CLEC16A: variants seen among roughly 807,000 people sequenced by gnomAD.
The protein encoded by CLEC16A is protein CLEC16A.
Under a neutral mutation model 109.5 loss-of-function variants are expected in CLEC16A, and 51 were observed. The observed-to-expected ratio is 0.47, with a 90% CI of 0.37 to 0.59. The LOEUF (loss-of-function observed/expected upper bound fraction) is 0.59, where lower values mean the gene tolerates loss of function less well. CLEC16A is among the 20% of genes least tolerant of loss of function. The pLI, the probability that CLEC16A is intolerant of heterozygous loss-of-function variation, is 0.00. For missense variants in CLEC16A, 1,339 were observed against 1,394.0 expected (o/e 0.96, Z 0.63); for synonymous variants, 673 against 564.2 (o/e 1.19, Z -2.73).
At chr16:10,983,100 T>C in intron 10 of CLEC16A, 109 bp downstream of exon 10, 1 of 651,532 alleles carries the variant, frequency 1.5e-6, no homozygotes, top group Non-Finnish European at 2.8e-6. Context: ...ATAGCAGTGA[T>C]GATGCATAAG....
At chr16:10,994,807 A>C (rs956123498) in intron 10 of CLEC16A, among the ~76,000 whole-genome samples, 2 of 152,222 alleles carry the variant, frequency 1.3e-5, no homozygotes, top group Non-Finnish European at 2.9e-5. Flanking sequence ...TTTTTGTTGC[A>C]AAGAGCTACT....
intron 22 of CLEC16A, 82 bp from the exon 23 acceptor site, chr16:11,166,306 G>C (rs2068257379): frequency 6.9e-7 from 1 of 1,448,894 alleles, no homozygotes. Flanking sequence ...ACTGAGGTTG[G>C]GTTGTTCAGT....
intron 19 of CLEC16A, among the ~76,000 whole-genome samples, chr16:11,102,544 CT>C (rs1248164048): frequency 6.6e-6 from 1 of 152,208 alleles, no homozygotes; most frequent in Non-Finnish European, 1.5e-5. Flanking sequence ...AATGTGTCCC[CT>C]GGTATGAAAT....
chr16:11,114,816 C>T (rs1329568337), intron 19 of CLEC16A, among the ~76,000 whole-genome samples: 1 of 152,140 alleles, frequency 6.6e-6, no homozygotes, highest in Non-Finnish European at 1.5e-5. Flanking sequence ...ATCTCCCTTG[C>T]GGATAGCATT....
intron 23 of CLEC16A, among the ~76,000 whole-genome samples, chr16:11,169,647 C>T (rs571389124): frequency 6.6e-6 from 1 of 152,324 alleles, no homozygotes; most frequent in African/African-American, 2.4e-5. Context: ...GATATGCCAT[C>T]CCCCAAGTGA....
At chr16:11,171,277 G>T (rs985252504) in intron 23 of CLEC16A, among the ~76,000 whole-genome samples, 2 of 152,194 alleles carry the variant, frequency 1.3e-5, no homozygotes, top group African/African-American at 2.4e-5. Flanking sequence ...GGCTCCCTCC[G>T]TGTGCAGCAC....
chr16:10,964,109 G>T (rs780101219), intron 3 of CLEC16A, among the ~76,000 whole-genome samples: 2 of 152,248 alleles, frequency 1.3e-5, no homozygotes, highest in Non-Finnish European at 2.9e-5. Context: ...AGTCTGCAGT[G>T]GGCAGAAAGA....
chr16:11,067,793 A>G (rs1451317733), intron 19 of CLEC16A, among the ~76,000 whole-genome samples: 2 of 152,186 alleles, frequency 1.3e-5, no homozygotes, highest in South Asian at 2.1e-4. Context: ...CATCCACACC[A>G]GGCTCGGACA....
chr16:11,103,259 G>T (rs1167981571), intron 19 of CLEC16A, among the ~76,000 whole-genome samples: 2 of 152,316 alleles, frequency 1.3e-5, no homozygotes, highest in East Asian at 3.9e-4. Context: ...TTGGCCCATT[G>T]CTGGGCTTCT....
In CLEC16A at chr16:11,166,489, A is replaced by C. The variant is rs200520322; in HGVS notation, c.2743A>C (p.Ser915Arg). The C allele has an allele frequency of 6.2e-6, 10 of 1,609,456 alleles. No individual in the cohort carries two copies. The highest frequency in any genetic ancestry group is 8.5e-6 in the Non-Finnish European group (10 of 1,179,726). Residue 915 changes from serine to arginine, a missense_variant, in exon 23 of 24, where the codon AGC becomes CGC. By Grantham distance (110) the Ser-to-Arg change is moderately radical. This residue lies in a region of CLEC16A where 1,061 missense variants were observed against 1,006.8 expected (regional missense o/e 1.05). Transcript: ENST00000409790. ...GAGCCCCAGCGGCAGCGGGAGCACC[A>C]GCCACTGCGACTCTGGAGGCACCAG... ...SGSPSGSGST[S>R]HCDSGGTSSS...
At chr16:11,171,908 T>TCACACACACCAGTACA in intron 23 of CLEC16A, among the ~76,000 whole-genome samples, 1 of 142,542 alleles carries the variant, frequency 7.0e-6, no homozygotes, top group Non-Finnish European at 1.5e-5. Flanking sequence ...GCATACATAG[T>TCACACACACCAGTACA]CACACACACC....
intron 19 of CLEC16A, among the ~76,000 whole-genome samples, chr16:11,095,965 C>A (rs569286005): frequency 6.6e-6 from 1 of 152,262 alleles, no homozygotes; most frequent in East Asian, 1.9e-4. Flanking sequence ...GCTAGGACTG[C>A]AGGTGCACAC....
chr16:11,045,495 C>T (rs539869747), intron 16 of CLEC16A, among the ~76,000 whole-genome samples: 1 of 152,096 alleles, frequency 6.6e-6, no homozygotes, highest in Non-Finnish European at 1.5e-5. Flanking sequence ...AAGGCCCTAC[C>T]TACTAATCCC....
chr16:11,061,012 C>G lies in CLEC16A; in HGVS notation c.2106C>G (p.Val702=), dbSNP rs1429659702. The change falls in exon 19 of 24, where the codon GTC becomes GTG. Residue 702 remains valine (V), a synonymous_variant. Transcript: ENST00000409790. ...REEDLIKTDD[V]LDLNNSDLIA... is the part of the protein sequence containing the mutation. ...AGGACCTGATCAAGACTGATGATGT[C>G]CTGGATCTGAGTGAGTTGGCTGCTC... 1.2e-6 allele frequency: 2 copies of G among 1,607,744 alleles called. No homozygotes were observed. The highest frequency in any genetic ancestry group is 1.1e-5 in the South Asian group (1 of 90,546).
intron 15 of CLEC16A, 76 bp from the exon 16 acceptor site, chr16:11,043,952 T>C (rs1287783291): frequency 1.7e-6 from 2 of 1,160,816 alleles, no homozygotes; most frequent in African/African-American, 1.5e-5. Flanking sequence ...CACTCATGTT[T>C]TAGAATTCGT....
chr16:11,027,062 A>C (rs1415304819), intron 13 of CLEC16A: 20 of 1,555,524 alleles, frequency 1.3e-5, no homozygotes, highest in Non-Finnish European at 1.6e-5. Flanking sequence ...CTTTGGTTCC[A>C]GAAAATCTCC....
intron 11 of CLEC16A, among the ~76,000 whole-genome samples, chr16:11,010,642 C>T (rs149163403): frequency 4.3e-4 from 65 of 152,314 alleles, no homozygotes; most frequent in African/African-American, 1.3e-3. Flanking sequence ...AAGGTGTTCT[C>T]ATTCATGAGC....
chr16:11,105,117 A>G (rs2051140280), intron 19 of CLEC16A, among the ~76,000 whole-genome samples: 1 of 152,182 alleles, frequency 6.6e-6, no homozygotes, highest in South Asian at 2.1e-4. Context: ...AAACAGGGCC[A>G]TTTTCAGAGA....
At position 11,123,769 on chromosome 16, in the gene CLEC16A, G is replaced by A. The variant is rs377523777; in HGVS notation, c.2296G>A (p.Asp766Asn). ...CATGCAGGTGACTGGCGTGGAGGACGACAGCCGTGCCCTGAACATCACCAT... is the reference window on the plus strand; with the variant it reads ...CATGCAGGTGACTGGCGTGGAGGACAACAGCCGTGCCCTGAACATCACCAT... ...QDMQVTGVED[D>N]SRALNITIHK... Residue 766 changes from aspartate (D) to asparagine (N), a missense_variant, in exon 21 of 24, where the codon GAC (aspartate) becomes AAC (asparagine). Transcript: ENST00000409790. The A allele has an allele frequency of 8.1e-6, 13 of 1,613,912 alleles. No individual in the cohort carries two copies. Among genetic ancestry groups the A allele is most frequent in the South Asian group, 1.1e-5 (1 of 91,086 alleles).
Sources: allele counts gnomAD v4.1 joint callset (sites outside exome capture counted in the v4.1 genomes callset), GRCh38; gene constraint gnomAD v4.1.1; regional missense constraint gnomAD v4.1.1; transcripts MANE v1.5; gene names NCBI Gene and HGNC (gene_info 2026-07-23, HGNC 2026-07-21).